The following TAB3 variants were observed in gnomAD, a reference collection of about 807,000 sequenced individuals.
The protein encoded by TAB3 is TGF-beta activated kinase 1 (MAP3K7) binding protein 3.
Under a neutral mutation model 48.1 loss-of-function variants are expected in TAB3, and 18 were observed. The ratio of observed to expected loss-of-function variants is 0.37; its 90% CI spans 0.26 to 0.55. The LOEUF (loss-of-function observed/expected upper bound fraction) is 0.55, where lower values mean the gene tolerates loss of function less well. Ranked by LOEUF, TAB3 falls within the 20% of genes least tolerant of loss-of-function variation. The pLI is 0.78. For synonymous variants in TAB3, 185 were observed against 190.2 expected (o/e 0.97, Z 0.22); for missense variants, 414 against 549.8 (o/e 0.75, Z 2.47).
intron 5 of TAB3, among the ~76,000 whole-genome samples, chrX:30,855,963 TTAA>T (rs1238533566): frequency 8.9e-6 from 1 of 111,934 alleles, no homozygotes; most frequent in Non-Finnish European, 1.9e-5. Context: ...ATATCCATTA[TTAA>T]TATTTAAATT....
intron 7 of TAB3, among the ~76,000 whole-genome samples, chrX:30,850,922 A>G (rs61265853): frequency 3.1e-3 from 346 of 111,148 alleles, no homozygotes; most frequent in African/African-American, 0.011. Context: ...GTATATGATT[A>G]AAGAAAATTA....
intron 9 of TAB3, among the ~76,000 whole-genome samples, chrX:30,839,913 A>ATT (rs1332463786): frequency 3.2e-4 from 6 of 18,690 alleles, no homozygotes; most frequent in Admixed American, 6.9e-4. Context: ...ACATATATAT[A>ATT]TTATATATAT....
intron 9 of TAB3, among the ~76,000 whole-genome samples, chrX:30,840,936 G>A (rs142650336): frequency 1.8e-5 from 2 of 112,010 alleles, no homozygotes; most frequent in East Asian, 5.6e-4. Flanking sequence ...TTTGTCTGGC[G>A]ATACTTCTTT....
chrX:30,865,414 T>C (rs1939376363), intron 4 of TAB3, among the ~76,000 whole-genome samples: 1 of 112,563 alleles, frequency 8.9e-6, no homozygotes, highest in South Asian at 3.6e-4. Flanking sequence ...CCAGTAATAA[T>C]TGTTGAACAA....
At chrX:30,877,062 G>T (rs895125957) in intron 1 of TAB3, among the ~76,000 whole-genome samples, 3 of 111,748 alleles carry the variant, frequency 2.7e-5, no homozygotes, top group Non-Finnish European at 5.6e-5. Context: ...CCAGACAAAG[G>T]AAAGTTTTAA....
At chrX:30,884,298 T>C (rs905888428) in intron 1 of TAB3, among the ~76,000 whole-genome samples, 3 of 112,208 alleles carry the variant, frequency 2.7e-5, no homozygotes, top group African/African-American at 9.7e-5. Context: ...TAACTCTTTT[T>C]GAGTATTCAC....
chrX:30,868,003 C>T (rs1240697421), intron 2 of TAB3, among the ~76,000 whole-genome samples: 4 of 104,678 alleles, frequency 3.8e-5, no homozygotes, highest in African/African-American at 1.4e-4. Context: ...CTCAAGTGAT[C>T]CTCCCATCTC....
intron 1 of TAB3, among the ~76,000 whole-genome samples, chrX:30,885,039 G>A (rs987715664): frequency 2.7e-5 from 3 of 112,223 alleles, no homozygotes; most frequent in Non-Finnish European, 5.6e-5. Flanking sequence ...CAAAACATGT[G>A]CCTAAATTTA....
At chrX:30,850,723 A>G (rs1569210532) in intron 7 of TAB3, among the ~76,000 whole-genome samples, 1 of 108,855 alleles carries the variant, frequency 9.2e-6, no homozygotes, top group Non-Finnish European at 1.9e-5. Context: ...CAAAAAAAAA[A>G]AAAGAAAGAA....
intron 9 of TAB3, among the ~76,000 whole-genome samples, chrX:30,840,151 CTT>C (rs144849666): frequency 4.6e-5 from 5 of 108,977 alleles, no homozygotes; most frequent in Non-Finnish European, 9.5e-5. Flanking sequence ...TTTGTGTTCT[CTT>C]TTTTTACAGA....
At chrX:30,868,316 TTA>T (rs1223557067) in intron 2 of TAB3, among the ~76,000 whole-genome samples, 1 of 1,471 alleles carries the variant, frequency 6.8e-4, no homozygotes, top group Non-Finnish European at 1.2e-3. Context: ...TATATATAGC[TTA>T]TATATATATA....
chrX:30,875,174 T>C (rs1349296535), intron 1 of TAB3, among the ~76,000 whole-genome samples: 2 of 112,438 alleles, frequency 1.8e-5, no homozygotes, highest in Admixed American at 1.9e-4. Flanking sequence ...GGGAAGTCAG[T>C]GAGCATATGC....
At position 30,830,911 on chromosome X, in the gene TAB3, T is replaced by TC. The variant is rs1186906607; in HGVS notation, c.*515_*516insG. 1.4e-4 allele frequency: 4 copies of TC among 28,124 alleles called. No homozygotes were observed. The highest frequency in any genetic ancestry group is 5.4e-4 in the Admixed American group (1 of 1,855). 2.3% of individuals were successfully genotyped at this position (28,124 alleles called of 1,213,427 possible). A position where few individuals can be genotyped will look rare whatever the true frequency, so the allele number is the denominator to read the frequency against. The stretch of plus-strand genomic sequence containing the variant: ...CAATTACAAATACCCTTAATTAATT[T>TC]GCCCCCCCCCCCCAAATATTCTAGG... On this transcript the variant is annotated 3_prime_UTR_variant, in exon 11 of 11. Transcript: ENST00000288422.
intron 2 of TAB3, among the ~76,000 whole-genome samples, chrX:30,869,872 CAG>C (rs1450536112): frequency 8.9e-6 from 1 of 112,144 alleles, no homozygotes; most frequent in African/African-American, 3.2e-5. Flanking sequence ...AAAGAAATAA[CAG>C]AAAATATCGA....
chrX:30,840,642 A>C (rs1036389360), intron 9 of TAB3, among the ~76,000 whole-genome samples: 3 of 110,879 alleles, frequency 2.7e-5, no homozygotes, highest in African/African-American at 9.8e-5. Flanking sequence ...ATTATAAGGG[A>C]GAGTTTTCCT....
chrX:30,868,263 A>G (rs1156952025), intron 2 of TAB3, among the ~76,000 whole-genome samples: 4 of 80,129 alleles, frequency 5.0e-5, no homozygotes, highest in African/African-American at 1.4e-4. Flanking sequence ...CTCTATTATA[A>G]ACCCTGTTTT....
intron 9 of TAB3, chrX:30,834,473 G>A (rs1008375085): frequency 2.6e-4 from 39 of 152,744 alleles, no homozygotes; most frequent in African/African-American, 1.0e-3. Flanking sequence ...AAATGTCGAT[G>A]TGAAAGCAAA....
intron 4 of TAB3, among the ~76,000 whole-genome samples, chrX:30,863,860 T>C (rs755567336): frequency 6.5e-4 from 73 of 112,531 alleles, no homozygotes; most frequent in Non-Finnish European, 1.1e-3. Context: ...GCTGTACTTT[T>C]GTATTTAATC....
chrX:30,855,205 A>C lies in TAB3; in HGVS notation c.460T>G (p.Ser154Ala), dbSNP rs767486954. The part of the protein sequence containing the change: ...EQNRSAATPP[S>A]QPPQQPSSMQ... Reference sequence around the variant, plus strand: ...GAAGATGGCTGTTGAGGTGGTTGTGAAGGAGGAGTAGCTGCACTTCTGTTC... The same window carrying C: ...GAAGATGGCTGTTGAGGTGGTTGTGCAGGAGGAGTAGCTGCACTTCTGTTC... Residue 154 changes from serine (S) to alanine (A), a missense_variant, in exon 6 of 11, where the codon TCA becomes GCA. Transcript: ENST00000288422. 2.5e-6 allele frequency: 3 copies of C among 1,211,658 alleles called. No individual in the cohort carries two copies. Among genetic ancestry groups the C allele is most frequent in the Non-Finnish European group, 2.2e-6 (2 of 895,488 alleles).
Sources: gnomAD v4.1 joint callset for allele counts (sites outside exome capture counted in the v4.1 genomes callset) on GRCh38, gnomAD v4.1.1 for gene constraint, MANE v1.5 for transcripts, NCBI Gene and HGNC (gene_info 2026-07-23, HGNC 2026-07-21) for gene names.